The following PSD3 variants were observed in gnomAD, a reference collection of about 807,000 sequenced individuals.
The protein encoded by PSD3 is PH and SEC7 domain-containing protein 3.
A neutral mutation model predicts 105.5 loss-of-function variants in PSD3; 49 were observed. That is an observed-to-expected ratio of 0.46 (90% CI 0.37 to 0.59). The LOEUF is 0.59. Among genes scored for constraint, PSD3 ranks in the 20% least tolerant of loss-of-function variants. PSD3 has a pLI of 0.00. For missense variants in PSD3, 1,561 were observed against 1,263.8 expected (o/e 1.24, Z -3.57); for synonymous variants, 557 against 457.8 (o/e 1.22, Z -2.77).
intron 9 of PSD3, among the ~76,000 whole-genome samples, chr8:18,747,251 A>T (rs1406614298): frequency 6.6e-6 from 1 of 152,262 alleles, no homozygotes; most frequent in Non-Finnish European, 1.5e-5. Context: ...GAAGTTAACG[A>T]CACTGGAAGG....
At position 18,632,714 on chromosome 8, in the gene PSD3, G is replaced by C. The variant is rs755503838; in HGVS notation, c.2309C>G (p.Thr770Ser). The change falls in exon 11 of 16, where the codon ACT becomes AGT. Residue 770 changes from threonine (T) to serine (S), a missense_variant. Transcript: ENST00000327040. ...HPKTISRIGS[T>S]TNPFLDIPHD... is the part of the protein sequence containing the mutation. Reference sequence around the variant, plus strand: ...AGGAATGTCCAAAAATGGGTTAGTAGTACTTCCAATACGACTGATGGTCTT... The same window carrying C: ...AGGAATGTCCAAAAATGGGTTAGTACTACTTCCAATACGACTGATGGTCTT... The C allele has an allele frequency of 5.0e-6, 8 of 1,610,568 alleles. No individual in the cohort carries two copies. Among genetic ancestry groups the C allele is most frequent in the African/African-American group, 2.7e-5 (2 of 74,770 alleles).
At chr8:18,761,284 G>C (rs1013866655) in intron 9 of PSD3, among the ~76,000 whole-genome samples, 2 of 152,160 alleles carry the variant, frequency 1.3e-5, no homozygotes, top group African/African-American at 2.4e-5. Flanking sequence ...AAGCTAAAAA[G>C]GGATGGTGGG....
chr8:18,539,233 T>A (rs1342274476), intron 15 of PSD3, among the ~76,000 whole-genome samples: 2 of 152,230 alleles, frequency 1.3e-5, no homozygotes, highest in African/African-American at 4.8e-5. Context: ...TCCAGAGGAT[T>A]TGAGGACAAA....
At chr8:18,968,690 C>T (rs1824439328) in intron 1 of PSD3, among the ~76,000 whole-genome samples, 1 of 152,062 alleles carries the variant, frequency 6.6e-6, no homozygotes, top group South Asian at 2.1e-4. Context: ...GCCTGACCAA[C>T]ATGGTGAAAC....
rs748214483 is a variant in PSD3, at chr8:18,872,017, C to T, written c.847G>A (p.Gly283Arg). Reference sequence around the variant, plus strand: ...CCCATGGAGCTGCTTCGATCACATCCCCCTGGGTGCTCTCTCCCAAGAGCA... The same window carrying T: ...CCCATGGAGCTGCTTCGATCACATCTCCCTGGGTGCTCTCTCCCAAGAGCA... ...RSALGREHPG[G>R]CDRSSSMGRP... The change falls in exon 3 of 16, where the codon GGA becomes AGA. Residue 283 changes from glycine (G) to arginine (R), a missense_variant. Gly to Arg is a moderately radical substitution (Grantham distance 125). Transcript: ENST00000327040. 25 of 1,614,030 alleles carry T rather than the reference C, an allele frequency of 1.5e-5. No individual in the cohort carries two copies. In the Admixed American group the frequency reaches 2.3e-4, roughly 15 times the overall value.
chr8:18,716,651 G>A (rs1802618452), intron 9 of PSD3, among the ~76,000 whole-genome samples: 1 of 152,114 alleles, frequency 6.6e-6, no homozygotes, highest in African/African-American at 2.4e-5. Context: ...AAGTGTAGAA[G>A]GATGTTATAG....
chr8:18,646,939 A>G (rs1808080557), intron 10 of PSD3, among the ~76,000 whole-genome samples: 1 of 152,188 alleles, frequency 6.6e-6, no homozygotes, highest in South Asian at 2.1e-4. Flanking sequence ...CCAATTTCAT[A>G]TTTAGGCCAT....
chr8:18,632,745 G>A lies in PSD3; in HGVS notation c.2278C>T (p.His760Tyr), dbSNP rs1244726870. 1.9e-6 allele frequency: 3 copies of A among 1,607,090 alleles called. No homozygotes were observed. The highest frequency in any genetic ancestry group is 1.3e-5 in the African/African-American group (1 of 74,808). The change falls in exon 11 of 16, where the codon CAT becomes TAT. Residue 760 changes from histidine (H) to tyrosine (Y), a missense_variant. Coordinates refer to ENST00000327040, the MANE Select transcript of PSD3 (RefSeq NM_015310.4). The part of the protein sequence containing the change: ...ESTEEKANGT[H>Y]PKTISRIGST... ...CCAATACGACTGATGGTCTTTGGAT[G>A]TGTTCCGTTAGCTTTCTCCTCAGTA...
intron 2 of PSD3, among the ~76,000 whole-genome samples, chr8:18,921,533 T>C (rs1275186243): frequency 6.6e-6 from 1 of 152,180 alleles, no homozygotes; most frequent in Non-Finnish European, 1.5e-5. Flanking sequence ...TCTAGTTTTG[T>C]GGGTCCTGAA....
At chr8:18,632,566 T>C (rs1279429551) in intron 11 of PSD3, 47 bp downstream of exon 11, 3 of 1,547,234 alleles carry the variant, frequency 1.9e-6, no homozygotes, top group Non-Finnish European at 1.8e-6. Context: ...ATTTTGAGCA[T>C]AAAGATAAAA....
chr8:18,865,501 G>A (rs746694702), intron 4 of PSD3, among the ~76,000 whole-genome samples: 31 of 151,434 alleles, frequency 2.0e-4, no homozygotes, highest in Non-Finnish European at 4.0e-4. Flanking sequence ...TTTTAACCTT[G>A]AATAGAGACA....
At chr8:19,047,462 T>C (rs1828360988) in intron 1 of PSD3, among the ~76,000 whole-genome samples, 1 of 152,176 alleles carries the variant, frequency 6.6e-6, no homozygotes, top group Non-Finnish European at 1.5e-5. Context: ...TGTCACTCTC[T>C]TCCTGCAGCC....
At chr8:19,071,322 C>T (rs1438708319) in intron 1 of PSD3, among the ~76,000 whole-genome samples, 1 of 119,812 alleles carries the variant, frequency 8.3e-6, no homozygotes, top group African/African-American at 2.9e-5. Flanking sequence ...CCCACCTCGG[C>T]CTCCTAATCT....
chr8:18,624,741 A>G (rs1403050252), intron 11 of PSD3, among the ~76,000 whole-genome samples: 1 of 152,010 alleles, frequency 6.6e-6, no homozygotes, highest in Non-Finnish European at 1.5e-5. Flanking sequence ...TATAAATATT[A>G]CCATGGATCC....
chr8:18,768,831 T>A (rs1307454079), intron 8 of PSD3, among the ~76,000 whole-genome samples: 3 of 152,188 alleles, frequency 2.0e-5, no homozygotes, highest in Non-Finnish European at 2.9e-5. Flanking sequence ...CTTGCCTCTT[T>A]CATCAGCAAA....
At chr8:18,575,324 G>A (rs376012412) in intron 12 of PSD3, 39 bp from the exon 13 acceptor site, 39 of 1,496,496 alleles carry the variant, frequency 2.6e-5, no homozygotes, top group Non-Finnish European at 3.4e-5. Flanking sequence ...CAAAAATCAC[G>A]ATCAGATTTC....
At chr8:18,941,888 G>C (rs1822570301) in intron 1 of PSD3, among the ~76,000 whole-genome samples, 2 of 151,978 alleles carry the variant, frequency 1.3e-5, no homozygotes, top group Non-Finnish European at 2.9e-5. Flanking sequence ...GGCCAGGCTA[G>C]TCTCAAACTC....
intron 1 of PSD3, among the ~76,000 whole-genome samples, chr8:19,035,156 A>C (rs1827900037): frequency 3.3e-5 from 5 of 152,318 alleles, no homozygotes; most frequent in African/African-American, 1.2e-4. Context: ...GTGTCTATGT[A>C]TACTTGCAAA....
At position 18,848,860 on chromosome 8, in the gene PSD3, T is replaced by C. The variant is rs150567637; in HGVS notation, c.1634+18814A>G. On this transcript the variant is annotated intron_variant, in intron 4 of 15. Transcript: ENST00000327040. ...CAAAAATGTGGCAACTGCCATTCTTTGGCTACATTTCAAGCGGATACTTCT... is the reference window on the plus strand; with the variant it reads ...CAAAAATGTGGCAACTGCCATTCTTCGGCTACATTTCAAGCGGATACTTCT... 2.0e-5 allele frequency among the ~76,000 whole-genome samples: 3 copies of C among 152,334 alleles called. No homozygotes were observed. The East Asian group carries it at 5.8e-4, about 29-fold the overall frequency.
Sources: allele counts gnomAD v4.1 joint callset (sites outside exome capture counted in the v4.1 genomes callset), GRCh38; gene constraint gnomAD v4.1.1; transcripts MANE v1.5; gene names NCBI Gene and HGNC (gene_info 2026-07-23, HGNC 2026-07-21).